Variants in MTUS1 observed in about 807,000 individuals in gnomAD.
MTUS1 encodes the protein microtubule-associated tumor suppressor 1.
A neutral mutation model predicts 120.8 loss-of-function variants in MTUS1; 109 were observed. The ratio of observed to expected loss-of-function variants is 0.90; its 90% confidence interval spans 0.77 to 1.06. The LOEUF (loss-of-function observed/expected upper bound fraction) is 1.06. MTUS1 is among the 50% of genes least tolerant of loss of function. MTUS1 has a pLI of 0.00. For synonymous variants in MTUS1, 737 were observed against 550.5 expected (o/e 1.34, Z -4.74); for missense variants, 2,210 against 1,486.3 (o/e 1.49, Z -8.01).
rs758610209 is a variant in MTUS1 at position 17,655,964 on chromosome 8, G to T, written c.3007C>A (p.Arg1003=). The part of the protein sequence containing the change: ...VQQHQAEKTE[R]ENRLKEFYTR... ...TAAAACTCTTTAAGCCGATTCTCTC[G>T]TTCTGTTTTTTCAGCCTGGTGCTGC... The change falls in exon 9 of 15, where the codon CGA becomes AGA. Residue 1003 remains arginine (R), a synonymous_variant. Coordinates refer to ENST00000693296, the MANE Select transcript of MTUS1 (RefSeq NM_001363059.2). 2 of 1,614,018 alleles carry T rather than the reference G, an allele frequency of 1.2e-6. No individual in the cohort carries two copies. The highest frequency in any genetic ancestry group is 1.7e-6 in the Non-Finnish European group (2 of 1,180,006).
At chr8:17,689,853 T>C (rs1318571738) in intron 6 of MTUS1, among the ~76,000 whole-genome samples, 1 of 135,758 alleles carries the variant, frequency 7.4e-6, no homozygotes, top group Non-Finnish European at 1.5e-5. Flanking sequence ...GACCTATCTC[T>C]TATCATATGC....
chr8:17,767,267 A>G (rs1256568401), intron 1 of MTUS1, among the ~76,000 whole-genome samples: 1 of 150,528 alleles, frequency 6.6e-6, no homozygotes, highest in Admixed American at 6.6e-5. Flanking sequence ...GGAAAGTTTT[A>G]TATTATGTGT....
chr8:17,735,311 C>T lies in MTUS1; in HGVS notation c.2287+8293G>A, dbSNP rs150723499. Among the ~76,000 whole-genome samples, 731 of 152,246 alleles carry T rather than the reference C, an allele frequency of 4.8e-3. 3 individuals carry two copies. Among genetic ancestry groups the T allele is most frequent in the Admixed American group, 8.0e-3 (123 of 15,286 alleles). On this transcript the variant is annotated intron_variant, in intron 3 of 14. Transcript: ENST00000693296. ...CCACCTATCCAGCCTCTGAAGGCGGCGGTTGGGGAGACACTTAGGACTGTT... is the reference window on the plus strand; with the variant it reads ...CCACCTATCCAGCCTCTGAAGGCGGTGGTTGGGGAGACACTTAGGACTGTT...
intron 4 of MTUS1, among the ~76,000 whole-genome samples, chr8:17,722,932 G>C (rs888164799): frequency 1.3e-5 from 2 of 152,122 alleles, no homozygotes; most frequent in Admixed American, 1.3e-4. Context: ...CCACACCCTT[G>C]TGTCTGGTTT....
chr8:17,687,841 T>C (rs1365042764), intron 6 of MTUS1, among the ~76,000 whole-genome samples: 2 of 152,204 alleles, frequency 1.3e-5, no homozygotes, highest in Non-Finnish European at 2.9e-5. Flanking sequence ...TTAAAACTAG[T>C]GCAATGAAGT....
At position 17,755,457 on chromosome 8, in the gene MTUS1, C is replaced by T; in HGVS notation, c.351G>A (p.Leu117=). 6.2e-7 allele frequency: 1 copy of T among 1,614,152 alleles called. No homozygotes were observed. The highest frequency in any genetic ancestry group is 8.5e-7 in the Non-Finnish European group (1 of 1,179,996). Residue 117 remains leucine (L), a synonymous_variant, in exon 2 of 15, where the codon CTG becomes CTA. Transcript: ENST00000693296. ...CTTCTAGGGAATGACAACTGTGTTG[C>T]AGATATTTGGGCTTCTCAGTACCTA... ...ALVGTEKPKY[L]QHSCHSLEAV...
intron 6 of MTUS1, among the ~76,000 whole-genome samples, chr8:17,700,118 G>A (rs1354889863): frequency 6.6e-6 from 1 of 152,094 alleles, no homozygotes; most frequent in Non-Finnish European, 1.5e-5. Context: ...AAAAAATAAG[G>A]AAATTTTAGT....
intron 1 of MTUS1, 44 bp from the exon 2 acceptor site, chr8:17,756,005 T>G (rs2048580840): frequency 7.9e-7 from 1 of 1,262,932 alleles, no homozygotes; most frequent in Non-Finnish European, 1.0e-6. Context: ...ATAAGAAAAA[T>G]TAACAGGCCA....
At chr8:17,670,466 T>A (rs1811785724) in intron 8 of MTUS1, among the ~76,000 whole-genome samples, 1 of 152,096 alleles carries the variant, frequency 6.6e-6, no homozygotes. Flanking sequence ...CCATTAAAGG[T>A]GATCATAATG....
chr8:17,645,655 G>C lies in MTUS1; in HGVS notation c.*271C>G, dbSNP rs539748072. 3.1e-6 allele frequency: 1 copy of C among 323,456 alleles called. No homozygotes were observed. Among genetic ancestry groups the C allele is most frequent in the African/African-American group, 2.1e-5 (1 of 46,718 alleles). 20.0% of individuals were successfully genotyped at this position (323,456 alleles called of 1,614,324 possible). On this transcript the variant is annotated 3_prime_UTR_variant, in exon 15 of 15. Transcript: ENST00000693296. Reference sequence around the variant, plus strand: ...AAAAGGCAATGAACAAGATGCTCTCGTTCTTTAAGTGCTTTGTGCAACAAC... The same window carrying C: ...AAAAGGCAATGAACAAGATGCTCTCCTTCTTTAAGTGCTTTGTGCAACAAC...
At chr8:17,797,044 G>T (rs186345434) in intron 1 of MTUS1, among the ~76,000 whole-genome samples, 39 of 152,050 alleles carry the variant, frequency 2.6e-4, no homozygotes, top group Admixed American at 2.5e-3. Flanking sequence ...CCTGAGAGGT[G>T]GGGGTTGCAG....
intron 6 of MTUS1, among the ~76,000 whole-genome samples, chr8:17,709,705 TA>T (rs1820886125): frequency 6.6e-6 from 1 of 151,982 alleles, no homozygotes; most frequent in African/African-American, 2.4e-5. Context: ...GCATTATGTC[TA>T]AAAAAATATA....
intron 1 of MTUS1, among the ~76,000 whole-genome samples, chr8:17,799,403 A>G (rs2052503890): frequency 6.6e-6 from 1 of 152,150 alleles, no homozygotes; most frequent in South Asian, 2.1e-4. Context: ...GATAAACTAT[A>G]TAACTATAAA....
At chr8:17,678,568 C>G (rs1327022738) in intron 7 of MTUS1, among the ~76,000 whole-genome samples, 3 of 152,108 alleles carry the variant, frequency 2.0e-5, no homozygotes, top group African/African-American at 7.2e-5. Context: ...CATAGAGCAT[C>G]TTGCAGAGAA....
chr8:17,787,560 T>C (rs1054798858), intron 1 of MTUS1, among the ~76,000 whole-genome samples: 4 of 152,178 alleles, frequency 2.6e-5, no homozygotes, highest in African/African-American at 4.8e-5. Context: ...ATGAGAAGCA[T>C]ACGTTTATCA....
intron 1 of MTUS1, among the ~76,000 whole-genome samples, chr8:17,785,254 T>C (rs1382655635): frequency 1.3e-5 from 2 of 152,040 alleles, no homozygotes; most frequent in East Asian, 3.9e-4. Context: ...AAGTAAATAA[T>C]TACAAAAACT....
At chr8:17,778,896 A>G (rs2050662778) in intron 1 of MTUS1, among the ~76,000 whole-genome samples, 1 of 152,252 alleles carries the variant, frequency 6.6e-6, no homozygotes, top group African/African-American at 2.4e-5. Context: ...TGTCTGTTTT[A>G]TAATATTGGA....
chr8:17,653,083 T>A (rs1807378937), intron 12 of MTUS1, 103 bp downstream of exon 12: 1 of 677,798 alleles, frequency 1.5e-6, no homozygotes. Flanking sequence ...ATGAGAAGGA[T>A]TCCCAACCTG....
At chr8:17,706,644 G>A (rs1820225817) in intron 6 of MTUS1, among the ~76,000 whole-genome samples, 1 of 152,202 alleles carries the variant, frequency 6.6e-6, no homozygotes, top group South Asian at 2.1e-4. Context: ...TGAAGTGACT[G>A]TAAATGGGTA....
Sources: gnomAD v4.1 joint callset for allele counts (sites outside exome capture counted in the v4.1 genomes callset) on GRCh38, gnomAD v4.1.1 for gene constraint, MANE v1.5 for transcripts, NCBI Gene and HGNC (gene_info 2026-07-23, HGNC 2026-07-21) for gene names.